Variants in C2orf42 observed in about 807,000 individuals in gnomAD.
C2orf42 encodes the protein uncharacterized protein C2orf42.
Under a neutral mutation model 58.9 loss-of-function variants are expected in C2orf42, and 44 were observed. The observed-to-expected ratio is 0.75, with a 90% confidence interval of 0.59 to 0.96. The LOEUF (loss-of-function observed/expected upper bound fraction) is 0.96, where lower values mean the gene tolerates loss of function less well. C2orf42 is among the 40% of genes least tolerant of loss of function. The pLI, the probability that C2orf42 is intolerant of heterozygous loss-of-function variation, is 0.00. For synonymous variants in C2orf42, 239 were observed against 265.4 expected (o/e 0.90, Z 0.97); for missense variants, 630 against 699.2 (o/e 0.90, Z 1.12).
chr2:70,169,247 C>CCA (rs35414580), intron 6 of C2orf42, among the ~76,000 whole-genome samples: 3,509 of 141,042 alleles, frequency 0.025, 82 homozygotes, highest in Admixed American at 0.099. Context: ...ATCTCCCTCA[C>CCA]CACACACACA....
intron 5 of C2orf42, among the ~76,000 whole-genome samples, chr2:70,174,449 T>A (rs1674051523): frequency 6.6e-6 from 1 of 152,196 alleles, no homozygotes; most frequent in African/African-American, 2.4e-5. Flanking sequence ...AAAACTATAG[T>A]ACATCACAGT....
chr2:70,160,373 C>T (rs1014703705), intron 9 of C2orf42, among the ~76,000 whole-genome samples: 4 of 152,106 alleles, frequency 2.6e-5, no homozygotes, highest in African/African-American at 9.7e-5. Context: ...AAACTCCTAA[C>T]GTCAAGCAAT....
At chr2:70,176,951 C>A (rs1294002197) in intron 4 of C2orf42, among the ~76,000 whole-genome samples, 1 of 152,004 alleles carries the variant, frequency 6.6e-6, no homozygotes, top group East Asian at 1.9e-4. Context: ...TTTTCCTATA[C>A]CAATAATTAT....
chr2:70,179,906 G>A (rs1212878614), intron 3 of C2orf42, among the ~76,000 whole-genome samples: 2 of 151,986 alleles, frequency 1.3e-5, no homozygotes, highest in Non-Finnish European at 2.9e-5. Context: ...GTCACTGCAT[G>A]CCAGCCTGGG....
rs1287443358 is a variant in C2orf42 at position 70,150,486 on chromosome 2, A to G, written c.1595T>C (p.Ile532Thr). The G allele has an allele frequency of 1.2e-5, 20 of 1,613,994 alleles. No homozygotes were observed. The highest frequency in any genetic ancestry group is 1.5e-5 in the Non-Finnish European group (18 of 1,180,008). ...WIPDILPQSKIGELRIKFEYG... is the reference protein window; with the variant it reads ...WIPDILPQSKTGELRIKFEYG... ...CTCAAACTTGATCCGCAGCTCGCCAATCTTAGATTGGGGAAGGATATCTGG... is the reference window on the plus strand; with the variant it reads ...CTCAAACTTGATCCGCAGCTCGCCAGTCTTAGATTGGGGAAGGATATCTGG... The change falls in exon 10 of 10, where the codon ATT (isoleucine) becomes ACT (threonine). Residue 532 changes from isoleucine to threonine, a missense_variant. By Grantham distance (89) the Ile-to-Thr change is moderately conservative. Coordinates refer to ENST00000264434, the MANE Select transcript of C2orf42 (RefSeq NM_017880.3).
At chr2:70,187,126 A>C (rs1412778779) in intron 1 of C2orf42, among the ~76,000 whole-genome samples, 5 of 152,036 alleles carry the variant, frequency 3.3e-5, no homozygotes, top group African/African-American at 1.2e-4. Flanking sequence ...ACAAAACAAA[A>C]CAAAAAAAAA....
intron 8 of C2orf42, among the ~76,000 whole-genome samples, chr2:70,163,492 G>T (rs1446506868): frequency 5.9e-5 from 9 of 151,740 alleles, no homozygotes; most frequent in Admixed American, 5.9e-4. Context: ...TGATCCACCC[G>T]CCTCGGCCTC....
At chr2:70,171,746 G>A (rs988420257) in intron 5 of C2orf42, among the ~76,000 whole-genome samples, 25 of 151,792 alleles carry the variant, frequency 1.6e-4, no homozygotes, top group African/African-American at 1.9e-4. Context: ...TCCTCACCTC[G>A]TGATCCAACC....
intron 6 of C2orf42, 86 bp from the exon 7 acceptor site, chr2:70,165,721 A>C: frequency 1.3e-6 from 1 of 751,132 alleles, no homozygotes; most frequent in East Asian, 2.5e-5. Context: ...AAAGGAATCA[A>C]GGGACGGTAA....
chr2:70,175,601 G>A lies in C2orf42; in HGVS notation c.1039+72C>T, dbSNP rs1452841798. ...GGACTCTTTGGGTGACAATGTGCAT[G>A]ATTATACTGCTTCTGGCTTCTTTAG... On this transcript the variant is annotated intron_variant, in intron 5 of 9. Coordinates refer to ENST00000264434, the MANE Select transcript of C2orf42 (RefSeq NM_017880.3). 6.7e-6 allele frequency: 6 copies of A among 901,134 alleles called. No individual in the cohort carries two copies. The African/African-American group carries it at 8.2e-5, about 12-fold the overall frequency. The allele number at this position is 901,134 out of a possible 1,614,324, so 55.8% of individuals were successfully genotyped here. A position where few individuals can be genotyped will look rare whatever the true frequency, so the allele number is the denominator to read the frequency against.
At chr2:70,185,226 C>T (rs1447144118) in intron 1 of C2orf42, among the ~76,000 whole-genome samples, 1 of 151,204 alleles carries the variant, frequency 6.6e-6, no homozygotes, top group Non-Finnish European at 1.5e-5. Flanking sequence ...CATGGTAAAA[C>T]CCTGTCTCTA....
At chr2:70,169,725 A>G in intron 5 of C2orf42, 64 bp from the exon 6 acceptor site, 1 of 784,288 alleles carries the variant, frequency 1.3e-6, no homozygotes. Context: ...ATAAACAGCT[A>G]ATTGAAGTTT....
Position 70,150,396 on chromosome 2 carries a change from G to T in C2orf42, c.1685C>A (p.Pro562His). Residue 562 changes from proline to histidine, a missense_variant, in exon 10 of 10, where the codon CCC becomes CAC. Pro to His is a moderately conservative substitution (Grantham distance 77). Coordinates refer to ENST00000264434, the MANE Select transcript of C2orf42 (RefSeq NM_017880.3). ...YQDQRPPLDQ[P>H]LELAPLTTIT... ...AGTGGTCAGAGGGGCCAGTTCCAAG[G>T]GCTGGTCCAAGGGGGGCCGCTGGTC... 2 of 1,614,036 alleles carry T rather than the reference G, an allele frequency of 1.2e-6. No individual in the cohort carries two copies. The highest frequency in any genetic ancestry group is 1.7e-6 in the Non-Finnish European group (2 of 1,180,000).
At chr2:70,159,457 G>C (rs1304797905) in intron 9 of C2orf42, among the ~76,000 whole-genome samples, 1 of 151,490 alleles carries the variant, frequency 6.6e-6, no homozygotes, top group Non-Finnish European at 1.5e-5. Flanking sequence ...GTGTGACGGT[G>C]GGCGCCTGTA....
intron 5 of C2orf42, among the ~76,000 whole-genome samples, chr2:70,175,297 T>G (rs1308077331): frequency 6.6e-6 from 1 of 152,120 alleles, no homozygotes; most frequent in Non-Finnish European, 1.5e-5. Context: ...TATCCATTAG[T>G]TATTTTTCCT....
At chr2:70,165,705 G>A (rs898359601) in intron 6 of C2orf42, 70 bp from the exon 7 acceptor site, 1 of 815,500 alleles carries the variant, frequency 1.2e-6, no homozygotes, top group South Asian at 1.4e-5. Flanking sequence ...AGGGAGAGGT[G>A]AAAGAAAAGG....
rs760825478 is a variant in C2orf42, at chr2:70,181,831, C to T, written c.155G>A (p.Arg52His). Reference protein sequence around the residue: ...CKNKTCGTIFRYGARKQPSVE... With the variant: ...CKNKTCGTIFHYGARKQPSVE... ...ACTAGGCTGCTTGCGTGCACCGTAG[C>T]GGAATATGGTTCCACATGTCTTGTT... is the stretch of plus-strand genomic sequence containing the variant. Residue 52 changes from arginine (R) to histidine (H), a missense_variant, in exon 3 of 10, where the codon CGC (arginine) becomes CAC (histidine). Transcript: ENST00000264434. 9.3e-6 allele frequency: 15 copies of T among 1,613,984 alleles called. No homozygotes were observed. Among genetic ancestry groups the T allele is most frequent in the Middle Eastern group, 1.6e-4 (1 of 6,084 alleles).
Position 70,181,905 on chromosome 2 carries a change from C to T in C2orf42, c.81G>A (p.Lys27=). ...CATTGTATGTGCCACATCGGGGACA[C>T]TTTCTGATTCCCCTCAATGTGGCCT... The part of the protein sequence containing the change: ...LGKATLRGIR[K]CPRCGTYNGT... The change falls in exon 3 of 10, where the codon AAG becomes AAA. Residue 27 remains lysine (K), a synonymous_variant. Coordinates refer to ENST00000264434, the MANE Select transcript of C2orf42 (RefSeq NM_017880.3). 1 of 1,613,842 alleles carries T rather than the reference C, an allele frequency of 6.2e-7. No individual in the cohort carries two copies. The highest frequency in any genetic ancestry group is 8.5e-7 in the Non-Finnish European group (1 of 1,179,742).
Position 70,150,044 on chromosome 2 carries a change from A to G in C2orf42, c.*312T>C. 2.7e-6 allele frequency: 1 copy of G among 373,220 alleles called. No individual in the cohort carries two copies. The highest frequency in any genetic ancestry group is 2.6e-5 in the South Asian group (1 of 38,320). 23.1% of individuals were successfully genotyped at this position (373,220 alleles called of 1,614,324 possible). On this transcript the variant is annotated 3_prime_UTR_variant, in exon 10 of 10. Coordinates refer to ENST00000264434, the MANE Select transcript of C2orf42 (RefSeq NM_017880.3). ...GCTGCAGATTTCTCAGAGAATTAGC[A>G]AAAGGTTGAAATAAACGCTAAAGAT...
Sources: gnomAD v4.1 joint callset for allele counts (sites outside exome capture counted in the v4.1 genomes callset) on GRCh38, gnomAD v4.1.1 for gene constraint, MANE v1.5 for transcripts, NCBI Gene and HGNC (gene_info 2026-07-23, HGNC 2026-07-21) for gene names.